The following ZFAT variants were observed in gnomAD, a reference collection of about 807,000 sequenced individuals.
ZFAT encodes zinc finger protein ZFAT.
A neutral mutation model predicts 117.7 loss-of-function variants in ZFAT; 64 were observed. The observed-to-expected ratio is 0.54, with a 90% CI of 0.44 to 0.67. The LOEUF is 0.67. Ranked by LOEUF, ZFAT falls within the 30% of genes least tolerant of loss-of-function variation. The pLI is 0.00. For synonymous variants in ZFAT, 679 were observed against 615.0 expected (o/e 1.10, Z -1.54); for missense variants, 1,433 against 1,584.5 (o/e 0.90, Z 1.62).
chr8:134,479,754 G>A (rs1028822250), intron 15 of ZFAT, among the ~76,000 whole-genome samples: 1 of 152,126 alleles, frequency 6.6e-6, no homozygotes, highest in African/African-American at 2.4e-5. Context: ...ACCGGGCTTT[G>A]AGCATCAATT....
chr8:134,791,543 T>G, the ZFAT span, among the ~76,000 whole-genome samples: 1 of 152,192 alleles, frequency 6.6e-6, no homozygotes, highest in Non-Finnish European at 1.5e-5. Context: ...GTGTGTATAT[T>G]TGTTGTTTTC....
chr8:134,756,086 C>T, the ZFAT span, among the ~76,000 whole-genome samples: 1 of 152,174 alleles, frequency 6.6e-6, no homozygotes, highest in Non-Finnish European at 1.5e-5. Context: ...GGCTCTTTCC[C>T]TACCAGTCCT....
At chr8:134,561,803 G>C (rs532227037) in intron 11 of ZFAT, among the ~76,000 whole-genome samples, 1 of 152,160 alleles carries the variant, frequency 6.6e-6, no homozygotes, top group Non-Finnish European at 1.5e-5. Context: ...GTTTGCCATT[G>C]GTATATGTAT....
At chr8:134,549,398 G>A (rs1333250329) in intron 11 of ZFAT, among the ~76,000 whole-genome samples, 1 of 148,422 alleles carries the variant, frequency 6.7e-6, no homozygotes, top group Admixed American at 6.8e-5. Context: ...CCGAGATCAC[G>A]CCACTGTATT....
the ZFAT span, among the ~76,000 whole-genome samples, chr8:134,728,950 ATATATGACT>A: frequency 6.6e-6 from 1 of 152,160 alleles, no homozygotes; most frequent in Non-Finnish European, 1.5e-5. Context: ...GTGAAAGAAA[ATATATGACT>A]TTTTATTTTC....
At chr8:134,566,870 T>G (rs1467989149) in intron 10 of ZFAT, among the ~76,000 whole-genome samples, 1 of 152,228 alleles carries the variant, frequency 6.6e-6, no homozygotes, top group Non-Finnish European at 1.5e-5. Context: ...CCTTTGACTC[T>G]GCAACAATAC....
chr8:134,549,397 C>A (rs965678613), intron 11 of ZFAT, among the ~76,000 whole-genome samples: 1 of 149,628 alleles, frequency 6.7e-6, no homozygotes, highest in Non-Finnish European at 1.5e-5. Flanking sequence ...GCCGAGATCA[C>A]GCCACTGTAT....
At chr8:134,726,651 GT>G in the ZFAT span, among the ~76,000 whole-genome samples, 1 of 152,152 alleles carries the variant, frequency 6.6e-6, no homozygotes, top group Non-Finnish European at 1.5e-5. Context: ...TTGGAGTGCA[GT>G]GCTGCGATCT....
chr8:134,730,968 G>A, the ZFAT span, among the ~76,000 whole-genome samples: 1 of 152,186 alleles, frequency 6.6e-6, no homozygotes, highest in Non-Finnish European at 1.5e-5. Context: ...AGATGAAACG[G>A]TTGCCCCTTG....
chr8:134,827,214 GCTAA>G, the ZFAT span, among the ~76,000 whole-genome samples: 1 of 152,086 alleles, frequency 6.6e-6, no homozygotes, highest in Non-Finnish European at 1.5e-5. Flanking sequence ...ACCACATCCA[GCTAA>G]CTGTTTTGTT....
chr8:134,761,014 T>C, the ZFAT span, among the ~76,000 whole-genome samples: 2 of 152,226 alleles, frequency 1.3e-5, no homozygotes, highest in African/African-American at 4.8e-5. Context: ...TCACATGTTA[T>C]AGTCTTTCCT....
At chr8:134,768,323 A>G in the ZFAT span, among the ~76,000 whole-genome samples, 12 of 152,222 alleles carry the variant, frequency 7.9e-5, no homozygotes, top group African/African-American at 2.7e-4. Context: ...ACAGACTCTT[A>G]TAAGACAATT....
chr8:134,719,423 C>A, the ZFAT span, among the ~76,000 whole-genome samples: 1 of 152,152 alleles, frequency 6.6e-6, no homozygotes, highest in Non-Finnish European at 1.5e-5. Context: ...GGTTTCAGCC[C>A]CTTTGGGGAC....
the ZFAT span, among the ~76,000 whole-genome samples, chr8:134,739,138 G>T: frequency 6.6e-6 from 1 of 152,118 alleles, no homozygotes; most frequent in Admixed American, 6.6e-5. Context: ...CCTCAGAATG[G>T]ATAATGCCAT....
chr8:134,773,988 T>G, the ZFAT span, among the ~76,000 whole-genome samples: 6,759 of 56,716 alleles, frequency 0.12, 555 homozygotes, highest in African/African-American at 0.25. Flanking sequence ...GGATTAATTT[T>G]TTTTTTTTTT....
At chr8:134,543,868 C>T (rs1214146168) in intron 11 of ZFAT, among the ~76,000 whole-genome samples, 1 of 152,130 alleles carries the variant, frequency 6.6e-6, no homozygotes, top group Non-Finnish European at 1.5e-5. Context: ...AATACCCACC[C>T]TCCCCACTTA....
intron 15 of ZFAT, among the ~76,000 whole-genome samples, chr8:134,485,488 C>A (rs2130062866): frequency 1.3e-5 from 2 of 152,354 alleles, no homozygotes; most frequent in Middle Eastern, 6.8e-3. Context: ...CGGAGGCTGG[C>A]TGAAGCAGGA....
chr8:134,722,413 T>A, the ZFAT span, among the ~76,000 whole-genome samples: 1 of 152,188 alleles, frequency 6.6e-6, no homozygotes, highest in Non-Finnish European at 1.5e-5. Flanking sequence ...TGTTTTGAGT[T>A]GTTCCCGGCA....
chr8:134,724,737 C>T, the ZFAT span, among the ~76,000 whole-genome samples: 1 of 152,044 alleles, frequency 6.6e-6, no homozygotes, highest in Non-Finnish European at 1.5e-5. Flanking sequence ...TTACACAGTG[C>T]AGGCTAGAAG....
Sources: allele counts gnomAD v4.1 joint callset (sites outside exome capture counted in the v4.1 genomes callset), GRCh38; gene constraint gnomAD v4.1.1; transcripts MANE v1.5; gene names NCBI Gene and HGNC (gene_info 2026-07-23, HGNC 2026-07-21).